The following RBMS3 variants were observed in gnomAD, a reference collection of about 807,000 sequenced individuals.
The protein encoded by RBMS3 is RNA binding motif single stranded interacting protein 3.
RBMS3 carries 27 observed loss-of-function variants against 66.8 expected under a neutral mutation model. The ratio of observed to expected loss-of-function variants is 0.40; its 90% CI spans 0.30 to 0.56. RBMS3 has a LOEUF of 0.56. Ranked by LOEUF, RBMS3 falls within the 20% of genes least tolerant of loss-of-function variation. RBMS3 has a pLI of 0.40. For missense variants in RBMS3, 513 were observed against 549.5 expected (o/e 0.93, Z 0.66); for synonymous variants, 188 against 183.0 (o/e 1.03, Z -0.22).
chr3:29,579,286 T>TA (rs1473199162), intron 3 of RBMS3, among the ~76,000 whole-genome samples: 2 of 152,132 alleles, frequency 1.3e-5, no homozygotes, highest in African/African-American at 4.8e-5. Context: ...TAGGGATGAG[T>TA]ACAAGCATGC....
At chr3:29,334,194 A>C (rs986569388) in intron 1 of RBMS3, among the ~76,000 whole-genome samples, 1 of 152,172 alleles carries the variant, frequency 6.6e-6, no homozygotes, top group Non-Finnish European at 1.5e-5. Flanking sequence ...TAGTTGTTGC[A>C]TTAGCCTTTT....
rs559522159 is a variant in RBMS3, at chr3:29,492,269, C to T, written c.307+3770C>T. ...GAAAAATACTATTTTAATGATATGC[C>T]GATGTATATTAGAGTATTTTCCTTT... On this transcript the variant is annotated intron_variant, in intron 3 of 14. Coordinates refer to ENST00000383767, the MANE Select transcript of RBMS3 (RefSeq NM_001003793.3). Among the ~76,000 whole-genome samples the T allele has an allele frequency of 4.8e-4, 73 of 151,622 alleles. 1 individual carries two copies. The South Asian group carries it at 0.015, about 31-fold the overall frequency.
At chr3:29,316,353 A>C (rs2034676048) in intron 1 of RBMS3, among the ~76,000 whole-genome samples, 1 of 151,772 alleles carries the variant, frequency 6.6e-6, no homozygotes, top group African/African-American at 2.4e-5. Flanking sequence ...CTGTTCATTA[A>C]AATTCTTACT....
chr3:29,540,093 T>C (rs530040794), intron 3 of RBMS3, among the ~76,000 whole-genome samples: 1 of 152,224 alleles, frequency 6.6e-6, no homozygotes, highest in Non-Finnish European at 1.5e-5. Context: ...TTAAATTAAC[T>C]ATTTAATGTC....
chr3:29,728,055 G>A (rs1340788548), intron 4 of RBMS3, among the ~76,000 whole-genome samples: 4 of 152,112 alleles, frequency 2.6e-5, no homozygotes, highest in Non-Finnish European at 5.9e-5. Flanking sequence ...TGTCCTTTGC[G>A]GGGACATGGA....
At chr3:29,389,146 G>A (rs977820704) in intron 1 of RBMS3, among the ~76,000 whole-genome samples, 1 of 152,200 alleles carries the variant, frequency 6.6e-6, no homozygotes, top group Non-Finnish European at 1.5e-5. Flanking sequence ...GTGTATGGAA[G>A]ATCTGACTCT....
chr3:29,813,707 G>A (rs1231597135), intron 6 of RBMS3, among the ~76,000 whole-genome samples: 1 of 152,066 alleles, frequency 6.6e-6, no homozygotes. Context: ...TCCCTTATAA[G>A]TTGGATTCCT....
chr3:29,886,331 C>T (rs114457663), intron 8 of RBMS3, among the ~76,000 whole-genome samples: 223 of 151,856 alleles, frequency 1.5e-3, no homozygotes, highest in African/African-American at 5.0e-3. Flanking sequence ...GTTAATATCC[C>T]ATTTACAGAT....
chr3:29,462,475 C>A (rs190503504), intron 2 of RBMS3, among the ~76,000 whole-genome samples: 12 of 152,294 alleles, frequency 7.9e-5, no homozygotes, highest in Admixed American at 6.5e-4. Flanking sequence ...GTATTCTGAG[C>A]AGTCTAGGCT....
chr3:29,597,326 A>C (rs1326753999), intron 4 of RBMS3, among the ~76,000 whole-genome samples: 1 of 152,192 alleles, frequency 6.6e-6, no homozygotes, highest in East Asian at 1.9e-4. Context: ...AGTAATAAAC[A>C]AACTTGAATG....
At chr3:29,979,638 CATGTGTTCTCATTGTTCAACTCCCACTT>C (rs1172377235) in intron 12 of RBMS3, among the ~76,000 whole-genome samples, 1 of 152,148 alleles carries the variant, frequency 6.6e-6, no homozygotes, top group Non-Finnish European at 1.5e-5. Context: ...TCCCTGGGCT[CATGTGTTCTCATTGTTCAACTCCCACTT>C]ATGAGTGAGA....
intron 4 of RBMS3, among the ~76,000 whole-genome samples, chr3:29,681,488 A>G (rs778124674): frequency 2.7e-5 from 4 of 147,270 alleles, no homozygotes; most frequent in African/African-American, 7.7e-5. Flanking sequence ...AGTCTTCCTT[A>G]TGCTCTCCAT....
At chr3:29,944,616 G>A (rs966007521) in intron 12 of RBMS3, among the ~76,000 whole-genome samples, 1 of 151,566 alleles carries the variant, frequency 6.6e-6, no homozygotes, top group Non-Finnish European at 1.5e-5. Flanking sequence ...GCAAAAGACG[G>A]CACAGATTAA....
At chr3:29,692,681 C>T (rs756432219) in intron 4 of RBMS3, among the ~76,000 whole-genome samples, 4 of 152,126 alleles carry the variant, frequency 2.6e-5, no homozygotes, top group African/African-American at 9.7e-5. Flanking sequence ...TGATCCATAG[C>T]GATTGCAAAG....
At chr3:29,944,434 T>TATA (rs2149704781) in intron 12 of RBMS3, among the ~76,000 whole-genome samples, 180 bp downstream of exon 12, 1 of 151,776 alleles carries the variant, frequency 6.6e-6, no homozygotes, top group East Asian at 1.9e-4. Flanking sequence ...ATAATTCAGT[T>TATA]ATATATCTGG....
intron 2 of RBMS3, among the ~76,000 whole-genome samples, chr3:29,440,687 G>C (rs1448328044): frequency 6.6e-6 from 1 of 152,182 alleles, no homozygotes; most frequent in Non-Finnish European, 1.5e-5. Context: ...AGAGCCGAAG[G>C]GTCTGCCCAA....
chr3:29,437,102 T>C (rs1251270079), intron 2 of RBMS3, among the ~76,000 whole-genome samples: 2 of 150,818 alleles, frequency 1.3e-5, no homozygotes, highest in South Asian at 2.1e-4. Context: ...TGGCTCTGAC[T>C]AACACACTTG....
intron 3 of RBMS3, among the ~76,000 whole-genome samples, chr3:29,583,357 G>C (rs2047398708): frequency 6.6e-6 from 1 of 152,124 alleles, no homozygotes; most frequent in South Asian, 2.1e-4. Context: ...GTGGCAGCAT[G>C]GCTGAAACAG....
chr3:29,368,321 T>C (rs995497528), intron 1 of RBMS3, among the ~76,000 whole-genome samples: 4 of 152,142 alleles, frequency 2.6e-5, no homozygotes, highest in African/African-American at 4.8e-5. Context: ...CCTGGGAAGA[T>C]GAAATTGTCC....
Sources: gnomAD v4.1 joint callset for allele counts (sites outside exome capture counted in the v4.1 genomes callset) on GRCh38, gnomAD v4.1.1 for gene constraint, MANE v1.5 for transcripts, NCBI Gene and HGNC (gene_info 2026-07-23, HGNC 2026-07-21) for gene names.